Variants in RBM47 observed in about 807,000 individuals in gnomAD.
The protein encoded by RBM47 is RNA binding motif protein 47, also known as RNA-binding protein 47.
RBM47 carries 21 observed loss-of-function variants against 47.1 expected under a neutral mutation model. The ratio of observed to expected loss-of-function variants is 0.45; its 90% CI spans 0.32 to 0.64. The LOEUF is 0.64. Ranked by LOEUF, RBM47 falls within the 30% of genes least tolerant of loss-of-function variation. The pLI, the probability that RBM47 is intolerant of heterozygous loss-of-function variation, is 0.05. For missense variants in RBM47, 708 were observed against 870.9 expected (o/e 0.81, Z 2.35); for synonymous variants, 375 against 361.7 (o/e 1.04, Z -0.42).
At chr4:40,610,673 T>A (rs180686009) in intron 1 of RBM47, among the ~76,000 whole-genome samples, 45 of 151,838 alleles carry the variant, frequency 3.0e-4, no homozygotes, top group Middle Eastern at 3.5e-3. Flanking sequence ...TGACATGGTT[T>A]GGCTGTGTTC....
In RBM47 at chr4:40,425,055, C is replaced by G. The variant is rs893231417; in HGVS notation, c.*849G>C. On this transcript the variant is annotated 3_prime_UTR_variant, in exon 7 of 7. Coordinates refer to ENST00000295971, the MANE Select transcript of RBM47 (RefSeq NM_001098634.2). ...GGAAGAAGTATAAAAGCCACCAGCT[C>G]CTCTATCAGAGCTACTTATCAGTCC... The G allele has an allele frequency of 2.0e-5, 3 of 152,166 alleles. No individual in the cohort carries two copies. Among genetic ancestry groups the G allele is most frequent in the African/African-American group, 7.2e-5 (3 of 41,412 alleles). The allele number at this position is 152,166 out of a possible 1,614,324, so 9.4% of individuals were successfully genotyped here.
intron 1 of RBM47, among the ~76,000 whole-genome samples, chr4:40,616,671 T>C (rs534268059): frequency 3.2e-4 from 48 of 152,038 alleles, no homozygotes; most frequent in Non-Finnish European, 6.0e-4. Context: ...CTTTCTAATT[T>C]CCACCCACAT....
intron 6 of RBM47, among the ~76,000 whole-genome samples, chr4:40,431,472 C>A (rs1189678328): frequency 3.3e-5 from 5 of 152,192 alleles, no homozygotes; most frequent in African/African-American, 1.2e-4. Flanking sequence ...TCCTGGCTGA[C>A]ACGGTGAAAC....
chr4:40,552,213 A>G (rs994870265), intron 1 of RBM47, among the ~76,000 whole-genome samples: 1 of 151,648 alleles, frequency 6.6e-6, no homozygotes, highest in East Asian at 2.0e-4. Context: ...CCTGGCTAAC[A>G]TGGTGAAACC....
intron 1 of RBM47, among the ~76,000 whole-genome samples, chr4:40,604,923 G>A (rs1335962606): frequency 2.0e-5 from 3 of 152,004 alleles, no homozygotes; most frequent in African/African-American, 7.3e-5. Flanking sequence ...CACCATATTG[G>A]CCAGGCTGGC....
In RBM47 at chr4:40,528,946, AAAAAAATAAATAAAT is replaced by A. The variant is rs1215112379; in HGVS notation, c.-155+15461_-155+15475del. On this transcript the variant is annotated intron_variant, in intron 2 of 6. Coordinates refer to ENST00000295971, the MANE Select transcript of RBM47 (RefSeq NM_001098634.2). ...CGACAGAGCGAGACTCCGTCTCAAA[AAAAAAATAAATAAAT>A]AAATAAATAAATAAATAAATAAATA... Among the ~76,000 whole-genome samples, 494 of 103,762 alleles carry A rather than the reference AAAAAAATAAATAAAT, an allele frequency of 4.8e-3. 4 individuals are homozygous for A. Among genetic ancestry groups the A allele is most frequent in the African/African-American group, 0.018 (435 of 24,672 alleles). The allele number at this position is 103,762 out of a possible 152,430, so 68.1% of individuals were successfully genotyped here.
chr4:40,534,369 T>G (rs1727711611), intron 2 of RBM47, among the ~76,000 whole-genome samples: 1 of 152,214 alleles, frequency 6.6e-6, no homozygotes, highest in South Asian at 2.1e-4. Flanking sequence ...GGATCCACAC[T>G]GTGCCCTTAG....
At chr4:40,439,189 C>G (rs1297081651) in intron 3 of RBM47, among the ~76,000 whole-genome samples, 9 of 152,136 alleles carry the variant, frequency 5.9e-5, no homozygotes, top group Non-Finnish European at 1.0e-4. Context: ...CATCAGTACC[C>G]CGACAGCTTT....
At chr4:40,487,935 G>A (rs1375869305) in intron 2 of RBM47, among the ~76,000 whole-genome samples, 2 of 123,584 alleles carry the variant, frequency 1.6e-5, no homozygotes, top group African/African-American at 3.3e-5. Flanking sequence ...AGGGCCAGAG[G>A]AGGGAAAAAA....
intron 1 of RBM47, among the ~76,000 whole-genome samples, chr4:40,592,987 T>A (rs1187397048): frequency 1.9e-3 from 64 of 33,640 alleles, no homozygotes; most frequent in South Asian, 3.7e-3. Flanking sequence ...ATATTTTTTT[T>A]TTTTTTTTTT....
chr4:40,507,803 C>G (rs1182454334), intron 2 of RBM47, among the ~76,000 whole-genome samples: 1 of 151,638 alleles, frequency 6.6e-6, no homozygotes, highest in Non-Finnish European at 1.5e-5. Flanking sequence ...AAGTCCAGAG[C>G]AAGTCTTATT....
chr4:40,579,423 GAA>G lies in RBM47; in HGVS notation c.-239-34919_-239-34918del, dbSNP rs10653342. Among the ~76,000 whole-genome samples the G allele has an allele frequency of 7.8e-5, 8 of 102,000 alleles. 1 individual carries two copies. Among genetic ancestry groups the G allele is most frequent in the African/African-American group, 2.4e-4 (6 of 25,330 alleles). The allele number at this position is 102,000 out of a possible 152,430, so 66.9% of individuals were successfully genotyped here. A position where few individuals can be genotyped will look rare whatever the true frequency, so the allele number is the denominator to read the frequency against. On this transcript the variant is annotated intron_variant, in intron 1 of 6. Coordinates refer to ENST00000295971, the MANE Select transcript of RBM47 (RefSeq NM_001098634.2). ...GGTGACAGAGCGAGACCCTGTCTCA[GAA>G]AAAAAAAAAAAAAAAATGCAATAGC...
chr4:40,599,274 A>G (rs1241670273), intron 1 of RBM47, among the ~76,000 whole-genome samples: 5 of 146,824 alleles, frequency 3.4e-5, no homozygotes, highest in Admixed American at 1.4e-4. Flanking sequence ...AAAAAAAAAG[A>G]AAGAGAAGTC....
chr4:40,574,491 A>G (rs1732104820), intron 1 of RBM47, among the ~76,000 whole-genome samples: 1 of 152,244 alleles, frequency 6.6e-6, no homozygotes, highest in African/African-American at 2.4e-5. Context: ...ATGTTTTAGA[A>G]TCTCATAGGT....
chr4:40,610,881 A>C (rs553284314), intron 1 of RBM47, among the ~76,000 whole-genome samples: 9 of 152,184 alleles, frequency 5.9e-5, no homozygotes, highest in Non-Finnish European at 1.2e-4. Context: ...TGCTGCTGCC[A>C]TGTAAGAAGT....
intron 1 of RBM47, among the ~76,000 whole-genome samples, chr4:40,577,641 T>C (rs1351508504): frequency 1.3e-5 from 1 of 78,276 alleles, no homozygotes; most frequent in Non-Finnish European, 2.8e-5. Context: ...TGGTATCTCA[T>C]ACTTAAAAAA....
chr4:40,485,905 A>AG (rs1023136025), intron 2 of RBM47, among the ~76,000 whole-genome samples: 3 of 151,234 alleles, frequency 2.0e-5, no homozygotes, highest in African/African-American at 7.3e-5. Flanking sequence ...GTAAAAAAAA[A>AG]AAAAAAAATA....
chr4:40,619,914 T>C (rs997755946), intron 1 of RBM47, among the ~76,000 whole-genome samples: 1 of 152,184 alleles, frequency 6.6e-6, no homozygotes, highest in African/African-American at 2.4e-5. Flanking sequence ...AGTCTGTATC[T>C]AGGCCAAACA....
intron 2 of RBM47, among the ~76,000 whole-genome samples, chr4:40,514,143 G>A (rs1161336902): frequency 1.3e-5 from 2 of 152,060 alleles, no homozygotes. Context: ...CCTTTAAATG[G>A]AATGAATTCC....
Sources: gnomAD v4.1 joint callset for allele counts (sites outside exome capture counted in the v4.1 genomes callset) on GRCh38, gnomAD v4.1.1 for gene constraint, MANE v1.5 for transcripts, NCBI Gene and HGNC (gene_info 2026-07-23, HGNC 2026-07-21) for gene names.